The following RBM19 variants were observed in gnomAD, a reference collection of about 807,000 sequenced individuals.
RBM19 encodes probable RNA-binding protein 19.
A neutral mutation model predicts 116.8 loss-of-function variants in RBM19; 94 were observed. The observed-to-expected ratio is 0.80, with a 90% confidence interval of 0.68 to 0.95. RBM19 has a LOEUF of 0.95. Ranked by LOEUF, RBM19 falls within the 40% of genes least tolerant of loss-of-function variation. The probability of loss-of-function intolerance (pLI) is 0.00; values close to 1 mark genes in which losing one functional copy is unlikely to be tolerated. For synonymous variants in RBM19, 475 were observed against 494.1 expected (o/e 0.96, Z 0.51); for missense variants, 1,161 against 1,220.7 (o/e 0.95, Z 0.73).
chr12:113,898,387 T>C lies in RBM19; in HGVS notation c.2558+16582A>G, dbSNP rs1881482204. Among the ~76,000 whole-genome samples, 1 of 152,180 alleles carries C rather than the reference T, an allele frequency of 6.6e-6. No individual in the cohort carries two copies. Among genetic ancestry groups the C allele is most frequent in the Admixed American group, 6.5e-5 (1 of 15,284 alleles). ...TGACATCCTACAGACACAGACATGA[T>C]GCCTTTGGACACTAGAGTGTTCAGA... is the stretch of plus-strand genomic sequence containing the variant. On this transcript the variant is annotated intron_variant, in intron 21 of 23. Coordinates refer to ENST00000261741, the MANE Select transcript of RBM19 (RefSeq NM_016196.4). This position sits in a 1 kb window ranked among gnomAD's most constrained non-coding sequence, Gnocchi z 4.3.
chr12:113,913,638 T>C (rs1048006738), intron 21 of RBM19, among the ~76,000 whole-genome samples: 1 of 152,238 alleles, frequency 6.6e-6, no homozygotes, highest in East Asian at 1.9e-4. Flanking sequence ...GCAAAGAAGG[T>C]AGATGCCACA....
chr12:113,880,479 C>G (rs1397402925), intron 21 of RBM19, among the ~76,000 whole-genome samples: 1 of 152,172 alleles, frequency 6.6e-6, no homozygotes. Flanking sequence ...GTTCTGTGAG[C>G]CTTGTCGTAA....
At chr12:113,910,298 C>T (rs545624007) in intron 21 of RBM19, among the ~76,000 whole-genome samples, 46 of 152,326 alleles carry the variant, frequency 3.0e-4, no homozygotes, top group Admixed American at 8.5e-4. Flanking sequence ...ACCCTGCAGG[C>T]GAGCAAACTA....
At chr12:113,895,467 A>G (rs879623601) in intron 21 of RBM19, among the ~76,000 whole-genome samples, 1 of 152,214 alleles carries the variant, frequency 6.6e-6, no homozygotes, top group Non-Finnish European at 1.5e-5. Context: ...ATGAAAGATG[A>G]GGAGAGTTAC....
At chr12:113,929,154 T>C (rs1403481660) in intron 16 of RBM19, among the ~76,000 whole-genome samples, 3 of 152,220 alleles carry the variant, frequency 2.0e-5, no homozygotes, top group African/African-American at 4.8e-5. Context: ...TTCTTTGTGA[T>C]GTAAGGGGGC....
chr12:113,908,812 G>A (rs540402051), intron 21 of RBM19, among the ~76,000 whole-genome samples: 5 of 152,254 alleles, frequency 3.3e-5, no homozygotes, highest in South Asian at 2.1e-4. Flanking sequence ...CTTACACTTC[G>A]CGTTTCTACC....
intron 16 of RBM19, among the ~76,000 whole-genome samples, chr12:113,936,211 G>A (rs1166455223): frequency 4.6e-5 from 7 of 152,244 alleles, no homozygotes; most frequent in African/African-American, 1.7e-4. Context: ...ACTGGTTGCT[G>A]TATTGTGGGT....
Position 113,907,620 on chromosome 12 carries a change from T to C in RBM19, c.2558+7349A>G, listed in dbSNP as rs376461271. ...GGGGGTCAACAGGACTTAGCTTTAT[T>C]TGTAACCCCTGTATGTTTTATAAGG... is the stretch of plus-strand genomic sequence containing the variant. On this transcript the variant is annotated intron_variant, in intron 21 of 23. Transcript: ENST00000261741. Among the ~76,000 whole-genome samples, 56 of 152,306 alleles carry C rather than the reference T, an allele frequency of 3.7e-4. No homozygotes were observed. In the South Asian group the frequency reaches 0.011, roughly 31 times the overall value.
At chr12:113,835,775 T>C (rs1306319405) in intron 23 of RBM19, among the ~76,000 whole-genome samples, 2 of 152,232 alleles carry the variant, frequency 1.3e-5, no homozygotes, top group African/African-American at 4.8e-5. Flanking sequence ...ATGCTGGTCA[T>C]GTCTGCGCTC....
downstream of RBM19, chr12:113,817,128 A>G (rs1188428651): frequency 6.6e-6 from 1 of 152,246 alleles, no homozygotes; most frequent in African/African-American, 2.4e-5. Flanking sequence ...GGCCCTGCAC[A>G]AAAGACAAAA....
At chr12:113,817,700 A>T (rs1368838894), downstream of RBM19, 1 of 152,288 alleles carries the variant, frequency 6.6e-6, no homozygotes, top group Non-Finnish European at 1.5e-5. Context: ...GGAATGACCT[A>T]GAGGTGCTGA....
intron 22 of RBM19, among the ~76,000 whole-genome samples, chr12:113,853,618 G>C (rs1877647266): frequency 6.6e-6 from 1 of 152,230 alleles, no homozygotes; most frequent in African/African-American, 2.4e-5. Flanking sequence ...TGGGTAAAGA[G>C]AGAGGAGGTG....
chr12:113,819,755 T>C (rs80046768), downstream of RBM19, among the ~76,000 whole-genome samples: 5,223 of 152,212 alleles, frequency 0.034, 220 homozygotes, highest in East Asian at 0.17. Flanking sequence ...TGGAGGAATT[T>C]CTCGTAAGAC....
At chr12:113,851,902 T>C (rs1252991775) in intron 22 of RBM19, among the ~76,000 whole-genome samples, 1 of 151,940 alleles carries the variant, frequency 6.6e-6, no homozygotes, top group Non-Finnish European at 1.5e-5. Flanking sequence ...AATACAAAAA[T>C]TAGCCGGGTG....
chr12:113,870,526 A>G (rs1879136763), intron 21 of RBM19, among the ~76,000 whole-genome samples: 1 of 152,168 alleles, frequency 6.6e-6, no homozygotes, highest in Non-Finnish European at 1.5e-5. Context: ...GAATCTTCCA[A>G]AGACCTGGAT....
chr12:113,954,367 C>T (rs1332680552), intron 7 of RBM19, among the ~76,000 whole-genome samples: 1 of 152,136 alleles, frequency 6.6e-6, no homozygotes, highest in Non-Finnish European at 1.5e-5. Context: ...TAAGAAGACA[C>T]ACCCAAAATG....
downstream of RBM19, chr12:113,817,676 C>T (rs1874137636): frequency 6.6e-6 from 1 of 152,178 alleles, no homozygotes; most frequent in Non-Finnish European, 1.5e-5. Flanking sequence ...TTTCTTTAAA[C>T]TGTGTAAGTC....
At chr12:113,857,988 G>T (rs1370988401) in intron 22 of RBM19, among the ~76,000 whole-genome samples, 1 of 152,256 alleles carries the variant, frequency 6.6e-6, no homozygotes, top group Admixed American at 6.5e-5. Flanking sequence ...GGCTGAGAGA[G>T]GGGACAGGCC....
chr12:113,908,573 CAAAAAAAAAAAAAA>C (rs11338829), intron 21 of RBM19, among the ~76,000 whole-genome samples: 1,887 of 33,390 alleles, frequency 0.057, 98 homozygotes, highest in African/African-American at 0.15. Flanking sequence ...AAGAAAATAG[CAAAAAAAAAAAAAA>C]AAAAAAAAAA....
Sources: allele counts gnomAD v4.1 joint callset (sites outside exome capture counted in the v4.1 genomes callset), GRCh38; gene constraint gnomAD v4.1.1; non-coding constraint Gnocchi (gnomAD v3.1); transcripts MANE v1.5; gene names NCBI Gene and HGNC (gene_info 2026-07-23, HGNC 2026-07-21).